The following EPHA6 variants were observed in gnomAD, a reference collection of about 807,000 sequenced individuals.
EPHA6 encodes the protein ephrin type-A receptor 6.
Under a neutral mutation model 112.0 loss-of-function variants are expected in EPHA6, and 50 were observed. The observed-to-expected ratio is 0.45, with a 90% CI of 0.36 to 0.56. The LOEUF (loss-of-function observed/expected upper bound fraction) is 0.56. EPHA6 is among the 20% of genes least tolerant of loss of function. The pLI is 0.00. For missense variants in EPHA6, 1,280 were observed against 1,417.4 expected (o/e 0.90, Z 1.56); for synonymous variants, 529 against 490.7 (o/e 1.08, Z -1.03).
chr3:97,400,145 A>G (rs2086910178), intron 5 of EPHA6, among the ~76,000 whole-genome samples: 1 of 151,386 alleles, frequency 6.6e-6, no homozygotes, highest in East Asian at 1.9e-4. Flanking sequence ...ATCTAGTTTC[A>G]TTTTCTGCAT....
intron 5 of EPHA6, among the ~76,000 whole-genome samples, chr3:97,344,593 AC>A (rs2083451343): frequency 6.6e-6 from 1 of 151,812 alleles, no homozygotes; most frequent in Non-Finnish European, 1.5e-5. Flanking sequence ...TCAGACTTAC[AC>A]CCCCCAGAAC....
At chr3:97,575,048 C>T (rs1468825607) in intron 11 of EPHA6, among the ~76,000 whole-genome samples, 3 of 151,956 alleles carry the variant, frequency 2.0e-5, no homozygotes, top group African/African-American at 7.2e-5. Context: ...ACACAAAAAA[C>T]AAAACTAGAT....
chr3:97,381,045 G>T (rs972478846), intron 5 of EPHA6, among the ~76,000 whole-genome samples: 16 of 151,674 alleles, frequency 1.1e-4, no homozygotes, highest in African/African-American at 3.6e-4. Flanking sequence ...ATTAATTTTA[G>T]ACTAAGTTGG....
intron 6 of EPHA6, among the ~76,000 whole-genome samples, chr3:97,437,858 A>G (rs1222746381): frequency 6.6e-6 from 1 of 151,944 alleles, no homozygotes; most frequent in Non-Finnish European, 1.5e-5. Context: ...CTTTCAAGTC[A>G]TTTTATCTAT....
At chr3:97,182,905 AATAG>A (rs1470390938) in intron 3 of EPHA6, among the ~76,000 whole-genome samples, 1 of 152,142 alleles carries the variant, frequency 6.6e-6, no homozygotes, top group Non-Finnish European at 1.5e-5. Flanking sequence ...TAAAACCAAG[AATAG>A]ATAAAGACAA....
At chr3:97,336,037 T>G (rs181243037) in intron 5 of EPHA6, among the ~76,000 whole-genome samples, 1 of 152,268 alleles carries the variant, frequency 6.6e-6, no homozygotes, top group Non-Finnish European at 1.5e-5. Context: ...AGCACGTATC[T>G]TAAGTTTTAC....
intron 3 of EPHA6, among the ~76,000 whole-genome samples, chr3:97,179,680 A>T (rs1176258175): frequency 1.4e-5 from 2 of 145,686 alleles, no homozygotes; most frequent in African/African-American, 5.3e-5. Flanking sequence ...CCAGGCAGAG[A>T]CTCTTATTCT....
At chr3:97,006,386 A>G (rs1219892192) in intron 3 of EPHA6, among the ~76,000 whole-genome samples, 1 of 152,028 alleles carries the variant, frequency 6.6e-6, no homozygotes, top group African/African-American at 2.4e-5. Context: ...TTTCTAGTTT[A>G]TTTGCATAGA....
At chr3:97,262,696 C>T (rs185646694) in intron 5 of EPHA6, among the ~76,000 whole-genome samples, 3 of 152,174 alleles carry the variant, frequency 2.0e-5, no homozygotes, top group Admixed American at 2.0e-4. Flanking sequence ...TCATATCTAC[C>T]ACTCCTCATT....
intron 3 of EPHA6, among the ~76,000 whole-genome samples, chr3:97,056,864 T>G (rs1049343735): frequency 6.6e-6 from 1 of 152,164 alleles, no homozygotes; most frequent in Non-Finnish European, 1.5e-5. Context: ...TAGGAAATTT[T>G]TCATAATACA....
At chr3:96,961,035 T>C (rs1433206198) in intron 2 of EPHA6, among the ~76,000 whole-genome samples, 1 of 152,182 alleles carries the variant, frequency 6.6e-6, no homozygotes, top group Non-Finnish European at 1.5e-5. Context: ...GGGAGAAAAC[T>C]TGTATAGCTG....
rs1256061486 is a variant in EPHA6, at chr3:97,749,760, A to T, written c.*1059A>T. On this transcript the variant is annotated 3_prime_UTR_variant, in exon 18 of 18. Transcript: ENST00000389672. ...CATGGTGGCCCAAGAAAATAAACAGACTTAGCTGATCATTTGGTATTGGCA... is the reference window on the plus strand; with the variant it reads ...CATGGTGGCCCAAGAAAATAAACAGTCTTAGCTGATCATTTGGTATTGGCA... Among the ~76,000 whole-genome samples the T allele has an allele frequency of 6.6e-6, 1 of 152,176 alleles. No individual in the cohort carries two copies. Among genetic ancestry groups the T allele is most frequent in the East Asian group, 1.9e-4 (1 of 5,202 alleles).
chr3:97,541,541 G>C (rs1056648405), intron 11 of EPHA6, among the ~76,000 whole-genome samples: 1 of 151,752 alleles, frequency 6.6e-6, no homozygotes, highest in Non-Finnish European at 1.5e-5. Context: ...TGTCCTTTTC[G>C]CTGCTCCAGG....
intron 5 of EPHA6, among the ~76,000 whole-genome samples, chr3:97,247,308 G>A (rs1234812441): frequency 2.6e-5 from 4 of 151,932 alleles, no homozygotes; most frequent in Admixed American, 1.3e-4. Context: ...CATATTTTTA[G>A]TGTATTCCTT....
chr3:96,818,452 C>T (rs1267737884), intron 1 of EPHA6, among the ~76,000 whole-genome samples: 1 of 151,802 alleles, frequency 6.6e-6, no homozygotes, highest in Non-Finnish European at 1.5e-5. Flanking sequence ...AATCGATTTT[C>T]CCCCCAGGCA....
intron 3 of EPHA6, among the ~76,000 whole-genome samples, chr3:97,218,343 A>G (rs2078092521): frequency 6.6e-6 from 1 of 152,244 alleles, no homozygotes; most frequent in Non-Finnish European, 1.5e-5. Context: ...GCTATAAAGA[A>G]CTGCCTGAGA....
chr3:97,579,781 TG>T (rs2093420995), intron 11 of EPHA6, among the ~76,000 whole-genome samples: 1 of 152,182 alleles, frequency 6.6e-6, no homozygotes, highest in African/African-American at 2.4e-5. Context: ...TAAAATATAC[TG>T]TCATATATTG....
intron 3 of EPHA6, among the ~76,000 whole-genome samples, chr3:97,179,992 C>G (rs1342602938): frequency 1.3e-5 from 2 of 152,204 alleles, no homozygotes; most frequent in South Asian, 2.1e-4. Context: ...GCAAGGTCCC[C>G]CAAATTCTGG....
chr3:97,389,320 T>C (rs1359943971), intron 5 of EPHA6, among the ~76,000 whole-genome samples: 3 of 152,188 alleles, frequency 2.0e-5, no homozygotes, highest in Admixed American at 6.6e-5. Context: ...TGGCTGAATA[T>C]AGTTGATATG....
Sources: allele counts gnomAD v4.1 joint callset (sites outside exome capture counted in the v4.1 genomes callset), GRCh38; gene constraint gnomAD v4.1.1; transcripts MANE v1.5; gene names NCBI Gene and HGNC (gene_info 2026-07-23, HGNC 2026-07-21).